Variants in DYNC1I1 observed in about 807,000 individuals in gnomAD.
The protein encoded by DYNC1I1 is dynein cytoplasmic 1 intermediate chain 1.
Under a neutral mutation model 86.6 loss-of-function variants are expected in DYNC1I1, and 43 were observed. The ratio of observed to expected loss-of-function variants is 0.50; its 90% CI spans 0.39 to 0.64. The LOEUF is 0.64. DYNC1I1 is among the 30% of genes least tolerant of loss of function. The probability of loss-of-function intolerance (pLI) is 0.00; values close to 1 mark genes in which losing one functional copy is unlikely to be tolerated. For synonymous variants in DYNC1I1, 262 were observed against 283.7 expected (o/e 0.92, Z 0.77); for missense variants, 604 against 788.8 (o/e 0.77, Z 2.81).
At chr7:96,089,491 T>A in intron 16 of DYNC1I1, among the ~76,000 whole-genome samples, 1 of 152,132 alleles carries the variant, frequency 6.6e-6, no homozygotes, top group East Asian at 1.9e-4. Context: ...GGAAAAAAAT[T>A]ACTTAACTGT....
At chr7:95,914,725 T>C (rs959962793) in intron 6 of DYNC1I1, among the ~76,000 whole-genome samples, 1 of 152,192 alleles carries the variant, frequency 6.6e-6, no homozygotes, top group Non-Finnish European at 1.5e-5. Flanking sequence ...GTTTGAGGAA[T>C]TGGCATTTGC....
chr7:95,929,720 A>G (rs2116404774), intron 6 of DYNC1I1, among the ~76,000 whole-genome samples: 1 of 152,360 alleles, frequency 6.6e-6, no homozygotes, highest in African/African-American at 2.4e-5. Context: ...ATCATAGATT[A>G]GTTATGCCCC....
At chr7:95,865,157 G>A (rs1291035210) in intron 5 of DYNC1I1, among the ~76,000 whole-genome samples, 2 of 152,062 alleles carry the variant, frequency 1.3e-5, no homozygotes, top group Admixed American at 6.5e-5. Context: ...AGGATTTCTC[G>A]AATTTTGGTT....
chr7:95,824,733 C>T (rs1254503701), intron 4 of DYNC1I1, among the ~76,000 whole-genome samples: 1 of 152,172 alleles, frequency 6.6e-6, no homozygotes, highest in Non-Finnish European at 1.5e-5. Context: ...GGAGATTTGC[C>T]TGATGACACA....
intron 10 of DYNC1I1, among the ~76,000 whole-genome samples, chr7:96,014,740 G>A (rs954459950): frequency 6.6e-6 from 1 of 152,138 alleles, no homozygotes. Context: ...TTGTTTTTCA[G>A]GTCTGTTATA....
chr7:95,888,984 G>C (rs1790668105), intron 6 of DYNC1I1, among the ~76,000 whole-genome samples: 1 of 152,144 alleles, frequency 6.6e-6, no homozygotes, highest in Admixed American at 6.5e-5. Context: ...CTCCTTTCAA[G>C]GAATGAGAAA....
At chr7:95,879,791 C>T (rs920517716) in intron 6 of DYNC1I1, among the ~76,000 whole-genome samples, 2 of 152,134 alleles carry the variant, frequency 1.3e-5, no homozygotes, top group African/African-American at 4.8e-5. Flanking sequence ...GAGCAAGCTT[C>T]CCTCAAACTT....
intron 1 of DYNC1I1, among the ~76,000 whole-genome samples, chr7:95,785,775 G>GTATGTGTA (rs55666459): frequency 6.4e-5 from 8 of 124,892 alleles, no homozygotes; most frequent in Middle Eastern, 3.9e-3. Flanking sequence ...GTGTGTATGT[G>GTATGTGTA]TATATATATA....
At position 95,984,972 on chromosome 7, in the gene DYNC1I1, A is replaced by G. The variant is rs909317908; in HGVS notation, c.738A>G (p.Lys246=). 11 of 1,612,646 alleles carry G rather than the reference A, an allele frequency of 6.8e-6. No individual in the cohort carries two copies. Among genetic ancestry groups the G allele is most frequent in the Non-Finnish European group, 9.3e-6 (11 of 1,179,456 alleles). ...FDYSGRELEE[K]DGDVQAGANL... ...ACAGCGGCCGAGAGTTAGAGGAAAA[A>G]GATGGGTTAGTCTCTTGTGTGCATT... Residue 246 remains lysine (K), a synonymous_variant, in exon 8 of 17, where the codon AAA becomes AAG. Coordinates refer to ENST00000447467, the MANE Select transcript of DYNC1I1 (RefSeq NM_001135556.2).
chr7:96,076,494 G>A (rs1790345371), intron 15 of DYNC1I1, among the ~76,000 whole-genome samples: 2 of 152,202 alleles, frequency 1.3e-5, no homozygotes, highest in South Asian at 4.1e-4. Context: ...AGGACACACA[G>A]GCATTTGTCA....
At chr7:95,889,761 A>G (rs1211937391) in intron 6 of DYNC1I1, among the ~76,000 whole-genome samples, 1 of 152,084 alleles carries the variant, frequency 6.6e-6, no homozygotes. Context: ...CAACAACAAC[A>G]CCCCATTAAA....
At chr7:96,042,180 TCATAA>T (rs1298213564) in intron 14 of DYNC1I1, among the ~76,000 whole-genome samples, 1 of 152,172 alleles carries the variant, frequency 6.6e-6, no homozygotes, top group African/African-American at 2.4e-5. Context: ...TGTATTTATA[TCATAA>T]CATAAGTTAA....
At chr7:95,940,408 C>T (rs1368535432) in intron 6 of DYNC1I1, among the ~76,000 whole-genome samples, 1 of 152,126 alleles carries the variant, frequency 6.6e-6, no homozygotes, top group Non-Finnish European at 1.5e-5. Flanking sequence ...AACTTGGTTC[C>T]ATTCTCCCCG....
intron 6 of DYNC1I1, among the ~76,000 whole-genome samples, chr7:95,932,588 T>C (rs545467012): frequency 6.6e-6 from 1 of 152,340 alleles, no homozygotes; most frequent in Non-Finnish European, 1.5e-5. Flanking sequence ...TCACACTGCA[T>C]ATATTAGAAA....
At chr7:95,866,365 A>G (rs1790018062) in intron 5 of DYNC1I1, among the ~76,000 whole-genome samples, 1 of 152,120 alleles carries the variant, frequency 6.6e-6, no homozygotes, top group Non-Finnish European at 1.5e-5. Flanking sequence ...GCATGCCTCA[A>G]TGAGTGGATG....
At chr7:95,787,813 G>A (rs1794189331) in intron 1 of DYNC1I1, among the ~76,000 whole-genome samples, 1 of 152,172 alleles carries the variant, frequency 6.6e-6, no homozygotes, top group African/African-American at 2.4e-5. Context: ...GCAATGCAGG[G>A]ACAGTGGGTG....
chr7:95,936,956 T>TCTCTCACACA (rs750834189), intron 6 of DYNC1I1, among the ~76,000 whole-genome samples: 1 of 134,190 alleles, frequency 7.5e-6, no homozygotes, highest in Non-Finnish European at 1.6e-5. Context: ...AGAATATGTC[T>TCTCTCACACA]CACACACACA....
intron 6 of DYNC1I1, among the ~76,000 whole-genome samples, chr7:95,926,381 A>G (rs904936637): frequency 6.7e-6 from 1 of 148,670 alleles, no homozygotes; most frequent in Non-Finnish European, 1.5e-5. Flanking sequence ...TTTTAAGTTA[A>G]AAAAAGTTAC....
chr7:95,852,406 G>A (rs562585130), intron 5 of DYNC1I1, among the ~76,000 whole-genome samples: 236 of 151,436 alleles, frequency 1.6e-3, no homozygotes, highest in African/African-American at 5.3e-3. Flanking sequence ...TCCTTAGTTA[G>A]CCCAGCTAAA....
Sources: gnomAD v4.1 joint callset for allele counts (sites outside exome capture counted in the v4.1 genomes callset) on GRCh38, gnomAD v4.1.1 for gene constraint, MANE v1.5 for transcripts, NCBI Gene and HGNC (gene_info 2026-07-23, HGNC 2026-07-21) for gene names.